The following EXOC6 variants were observed in gnomAD, a reference collection of about 807,000 sequenced individuals.
EXOC6 encodes SEC15-like 1.
EXOC6 carries 60 observed loss-of-function variants against 112.5 expected under a neutral mutation model. That is an observed-to-expected ratio of 0.53 (90% CI 0.43 to 0.66). EXOC6 has a LOEUF of 0.66. EXOC6 is among the 30% of genes least tolerant of loss of function. The pLI is 0.00. For synonymous variants in EXOC6, 295 were observed against 308.0 expected, an observed-to-expected ratio of 0.96 and a Z score of 0.44; for missense variants, 855 against 957.1, an observed-to-expected ratio of 0.89 and a Z score of 1.41.
intron 19 of EXOC6, among the ~76,000 whole-genome samples, chr10:92,998,503 T>G (rs982567573): frequency 2.0e-5 from 3 of 152,176 alleles, no homozygotes; most frequent in Non-Finnish European, 4.4e-5. Context: ...TGACTGATTT[T>G]TTTCAACAGA....
intron 6 of EXOC6, among the ~76,000 whole-genome samples, chr10:92,914,928 T>C (rs2133889346): frequency 6.6e-6 from 1 of 152,330 alleles, no homozygotes; most frequent in East Asian, 1.9e-4. Context: ...TTTCTGGTAA[T>C]GAAGTTCTGA....
chr10:92,887,266 C>T (rs746487901), intron 1 of EXOC6, among the ~76,000 whole-genome samples: 1 of 151,936 alleles, frequency 6.6e-6, no homozygotes, highest in African/African-American at 2.4e-5. Context: ...TTTCTTGCCT[C>T]TCTCCATTCA....
At chr10:92,976,054 G>C (rs1432091130) in intron 18 of EXOC6, among the ~76,000 whole-genome samples, 11 of 143,904 alleles carry the variant, frequency 7.6e-5, no homozygotes, top group Middle Eastern at 3.7e-3. Flanking sequence ...GTGGGGGGGG[G>C]GGTCAGCCCC....
intron 19 of EXOC6, among the ~76,000 whole-genome samples, chr10:93,010,123 C>T (rs78732988): frequency 2.1e-3 from 320 of 152,194 alleles, no homozygotes; most frequent in African/African-American, 7.3e-3. Context: ...GGGAAAAATA[C>T]GAAGCTGTGA....
At chr10:92,955,538 C>T in intron 16 of EXOC6, 42 bp from the exon 17 acceptor site, 3 of 1,535,808 alleles carry the variant, frequency 2.0e-6, no homozygotes, top group South Asian at 2.3e-5. Context: ...ATTTTACATA[C>T]ATGTAACCTG....
At chr10:92,828,370 G>C (rs1419486492) in intron 1 of EXOC6, among the ~76,000 whole-genome samples, 1 of 152,168 alleles carries the variant, frequency 6.6e-6, no homozygotes, top group Non-Finnish European at 1.5e-5. Context: ...GTCTTGCTCT[G>C]TCACCCAGGC....
At chr10:93,004,153 G>C (rs1843877275) in intron 19 of EXOC6, among the ~76,000 whole-genome samples, 1 of 152,144 alleles carries the variant, frequency 6.6e-6, no homozygotes, top group African/African-American at 2.4e-5. Flanking sequence ...TGGAGAGTAT[G>C]GATTCCAGGC....
At chr10:92,990,859 A>G (rs1284011075) in intron 18 of EXOC6, among the ~76,000 whole-genome samples, 1 of 152,108 alleles carries the variant, frequency 6.6e-6, no homozygotes, top group Non-Finnish European at 1.5e-5. Flanking sequence ...TTCACAGAAC[A>G]TGTTATTCAA....
At chr10:93,021,065 A>G (rs1844761186) in intron 20 of EXOC6, among the ~76,000 whole-genome samples, 2 of 152,166 alleles carry the variant, frequency 1.3e-5, no homozygotes, top group African/African-American at 2.4e-5. Flanking sequence ...CTTTTGTCAC[A>G]TAGGCTCAAC....
At chr10:92,989,167 A>C (rs1240193594) in intron 18 of EXOC6, among the ~76,000 whole-genome samples, 1 of 152,240 alleles carries the variant, frequency 6.6e-6, no homozygotes, top group Admixed American at 6.5e-5. Context: ...AATACTTAAC[A>C]CAGTGTCTTA....
intron 1 of EXOC6, among the ~76,000 whole-genome samples, chr10:92,855,491 A>G (rs1847556852): frequency 6.6e-6 from 1 of 152,028 alleles, no homozygotes; most frequent in Admixed American, 6.5e-5. Context: ...GATTAATGTT[A>G]ATTCTTTAAA....
chr10:93,038,399 T>C (rs1845617674), intron 20 of EXOC6, among the ~76,000 whole-genome samples: 1 of 152,210 alleles, frequency 6.6e-6, no homozygotes, highest in African/African-American at 2.4e-5. Context: ...AAAAGAAATG[T>C]TTGTGTAAAT....
At chr10:92,916,560 G>A (rs1017126127) in intron 7 of EXOC6, among the ~76,000 whole-genome samples, 2 of 152,088 alleles carry the variant, frequency 1.3e-5, no homozygotes, top group Non-Finnish European at 2.9e-5. Context: ...ATCCAAAACT[G>A]TAAGGGCCTA....
chr10:93,055,325 G>C (rs1261656344), intron 20 of EXOC6, among the ~76,000 whole-genome samples: 2 of 152,128 alleles, frequency 1.3e-5, no homozygotes, highest in African/African-American at 4.8e-5. Context: ...TACTTAACCA[G>C]TCTCTTAATA....
chr10:92,965,065 A>G (rs1841990203), intron 17 of EXOC6, among the ~76,000 whole-genome samples: 1 of 152,188 alleles, frequency 6.6e-6, no homozygotes, highest in Non-Finnish European at 1.5e-5. Context: ...GGAGCTAGGT[A>G]TCAGTTCAGT....
intron 18 of EXOC6, among the ~76,000 whole-genome samples, chr10:92,988,694 T>C (rs1843106476): frequency 6.6e-6 from 1 of 152,078 alleles, no homozygotes; most frequent in Non-Finnish European, 1.5e-5. Flanking sequence ...ACACGGTGGC[T>C]CATGCCTGTA....
intron 1 of EXOC6, among the ~76,000 whole-genome samples, chr10:92,857,014 A>G (rs750365510): frequency 6.6e-6 from 1 of 152,172 alleles, no homozygotes; most frequent in Non-Finnish European, 1.5e-5. Flanking sequence ...TCTAAAGTGT[A>G]TCTCTTGTAG....
intron 5 of EXOC6, among the ~76,000 whole-genome samples, chr10:92,902,109 AGTT>A (rs1292680456): frequency 1.3e-5 from 2 of 151,786 alleles, no homozygotes; most frequent in East Asian, 3.9e-4. Context: ...CACAGTTTGA[AGTT>A]GTTAGTTTGT....
intron 20 of EXOC6, among the ~76,000 whole-genome samples, chr10:93,020,934 C>T (rs1387538750): frequency 6.7e-6 from 1 of 150,316 alleles, no homozygotes; most frequent in African/African-American, 2.4e-5. Context: ...TCTAAAATTC[C>T]CTCATCTGCT....
Sources: allele counts gnomAD v4.1 joint callset (sites outside exome capture counted in the v4.1 genomes callset), GRCh38; gene constraint gnomAD v4.1.1; transcripts MANE v1.5; gene names NCBI Gene and HGNC (gene_info 2026-07-23, HGNC 2026-07-21).